The following RGS6 variants were observed in gnomAD, a reference collection of about 807,000 sequenced individuals.
RGS6 encodes the protein regulator of G-protein signaling 6.
Under a neutral mutation model 78.5 loss-of-function variants are expected in RGS6, and 30 were observed. The observed-to-expected ratio is 0.38, with a 90% CI of 0.29 to 0.52. The LOEUF is 0.52. RGS6 is among the 20% of genes least tolerant of loss of function. The pLI is 0.85. For synonymous variants in RGS6, 206 were observed against 206.0 expected (o/e 1.00, Z 0.00); for missense variants, 495 against 609.7 (o/e 0.81, Z 1.98).
chr14:72,167,321 G>A (rs1204107945), intron 2 of RGS6, among the ~76,000 whole-genome samples: 1 of 152,222 alleles, frequency 6.6e-6, no homozygotes, highest in Non-Finnish European at 1.5e-5. Context: ...GTCAGTGAGG[G>A]AGAGACTCTA....
chr14:71,990,981 A>G (rs530717975), intron 2 of RGS6: 103 of 375,308 alleles, frequency 2.7e-4, no homozygotes, highest in Middle Eastern at 1.5e-3. Context: ...TCACCACTCT[A>G]CGCAATATGA....
chr14:72,030,838 G>T (rs2090749442), intron 2 of RGS6, among the ~76,000 whole-genome samples: 1 of 152,180 alleles, frequency 6.6e-6, no homozygotes, highest in African/African-American at 2.4e-5. Context: ...TTCCTGACCA[G>T]TGACTTAGCT....
At chr14:72,220,611 A>G (rs1388719488) in intron 2 of RGS6, among the ~76,000 whole-genome samples, 2 of 152,222 alleles carry the variant, frequency 1.3e-5, no homozygotes, top group Admixed American at 1.3e-4. Context: ...TCCGTATAGT[A>G]TTTTAAGAAA....
chr14:71,954,303 A>C (rs1452204227), intron 1 of RGS6, among the ~76,000 whole-genome samples: 1 of 151,502 alleles, frequency 6.6e-6, no homozygotes, highest in East Asian at 1.9e-4. Context: ...GATTACATTT[A>C]TGTTACAGCT....
At chr14:72,591,592 G>A in the RGS6 span, among the ~76,000 whole-genome samples, 1 of 152,122 alleles carries the variant, frequency 6.6e-6, no homozygotes, top group African/African-American at 2.4e-5. Context: ...AGGTTTACTG[G>A]TGACTGCTTC....
chr14:72,440,445 C>T (rs956404993), intron 3 of RGS6, among the ~76,000 whole-genome samples: 1 of 145,066 alleles, frequency 6.9e-6, no homozygotes. Context: ...GATGGAGTCT[C>T]GCTCTGTTGC....
At chr14:72,377,317 T>G (rs534139678) in intron 3 of RGS6, among the ~76,000 whole-genome samples, 20 of 152,290 alleles carry the variant, frequency 1.3e-4, no homozygotes, top group African/African-American at 4.6e-4. Context: ...CATTATATGA[T>G]GACGAAGAGA....
chr14:72,160,136 C>T (rs536152327), intron 2 of RGS6, among the ~76,000 whole-genome samples: 4 of 152,182 alleles, frequency 2.6e-5, no homozygotes, highest in South Asian at 2.1e-4. Flanking sequence ...AAATGTTGTT[C>T]GATCAAATCA....
chr14:72,107,772 C>A (rs2095664530), intron 2 of RGS6, among the ~76,000 whole-genome samples: 1 of 152,090 alleles, frequency 6.6e-6, no homozygotes, highest in Non-Finnish European at 1.5e-5. Flanking sequence ...CCTGCCCAAA[C>A]AATCTTGATT....
intron 2 of RGS6, among the ~76,000 whole-genome samples, chr14:72,160,448 G>A (rs1045827993): frequency 2.6e-5 from 4 of 152,152 alleles, no homozygotes; most frequent in Non-Finnish European, 5.9e-5. Flanking sequence ...GATATTAAGT[G>A]GAGAAAAACT....
intron 2 of RGS6, among the ~76,000 whole-genome samples, chr14:72,324,860 G>A (rs1434814614): frequency 6.6e-6 from 1 of 151,932 alleles, no homozygotes; most frequent in East Asian, 1.9e-4. Context: ...TAATCCTTTG[G>A]GTATATATCC....
intron 2 of RGS6, among the ~76,000 whole-genome samples, chr14:72,198,593 T>G (rs2040754007): frequency 6.6e-6 from 1 of 152,210 alleles, no homozygotes; most frequent in African/African-American, 2.4e-5. Context: ...TTGGGTTAGA[T>G]CCCTCTTTTT....
chr14:71,964,539 T>C (rs2093403765), intron 1 of RGS6, among the ~76,000 whole-genome samples: 1 of 152,162 alleles, frequency 6.6e-6, no homozygotes, highest in Non-Finnish European at 1.5e-5. Context: ...TGCTGTATAT[T>C]CACTCCTGGG....
chr14:72,107,460 C>T (rs1197128894), intron 2 of RGS6, among the ~76,000 whole-genome samples: 1 of 152,074 alleles, frequency 6.6e-6, no homozygotes, highest in Non-Finnish European at 1.5e-5. Context: ...GACCAAGAGT[C>T]AGCCATTTCT....
intron 2 of RGS6, among the ~76,000 whole-genome samples, chr14:72,342,646 C>T (rs1267722006): frequency 7.1e-6 from 1 of 140,790 alleles, no homozygotes; most frequent in Non-Finnish European, 1.5e-5. Context: ...GGGAGAATTG[C>T]TTGTACATGG....
chr14:72,068,585 C>T (rs1019513784), intron 2 of RGS6, among the ~76,000 whole-genome samples: 5 of 145,708 alleles, frequency 3.4e-5, no homozygotes, highest in Admixed American at 7.1e-5. Flanking sequence ...GTAACCTCTG[C>T]GTCCCAGGTT....
intron 2 of RGS6, among the ~76,000 whole-genome samples, chr14:72,223,751 A>G (rs1396763994): frequency 6.6e-6 from 1 of 152,226 alleles, no homozygotes. Flanking sequence ...GGGTTTTTGC[A>G]TGGAAAGAAA....
intron 13 of RGS6, among the ~76,000 whole-genome samples, 178 bp downstream of exon 13, chr14:72,495,440 G>C (rs1301645120): frequency 6.6e-6 from 1 of 152,094 alleles, no homozygotes; most frequent in Non-Finnish European, 1.5e-5. Flanking sequence ...GCTTTGATTT[G>C]TGCATGGATC....
chr14:72,170,116 T>G (rs1192648596), intron 2 of RGS6, among the ~76,000 whole-genome samples: 3 of 152,198 alleles, frequency 2.0e-5, no homozygotes, highest in African/African-American at 7.2e-5. Context: ...TTTGGAGTTG[T>G]TTGTTATAGC....
Sources: allele counts gnomAD v4.1 joint callset (sites outside exome capture counted in the v4.1 genomes callset), GRCh38; gene constraint gnomAD v4.1.1; transcripts MANE v1.5; gene names NCBI Gene and HGNC (gene_info 2026-07-23, HGNC 2026-07-21).